NOL4: variants seen among roughly 807,000 people sequenced by gnomAD.
NOL4 encodes the protein cancer/testis antigen 125.
NOL4 carries 17 observed loss-of-function variants against 75.9 expected under a neutral mutation model. The observed-to-expected ratio is 0.22, with a 90% CI of 0.15 to 0.34. NOL4 has a LOEUF of 0.34. Ranked by LOEUF, NOL4 falls within the 10% of genes least tolerant of loss-of-function variation. The probability of loss-of-function intolerance (pLI) is 1.00; values close to 1 mark genes in which losing one functional copy is unlikely to be tolerated. For synonymous variants in NOL4, 292 were observed against 289.9 expected (o/e 1.01, Z -0.07); for missense variants, 614 against 793.5 (o/e 0.77, Z 2.72).
intron 1 of NOL4, among the ~76,000 whole-genome samples, chr18:34,196,831 T>C (rs528150231): frequency 6.6e-6 from 1 of 152,230 alleles, no homozygotes; most frequent in Admixed American, 6.5e-5. Context: ...AGTTTTATTA[T>C]ATATGGTATA....
intron 10 of NOL4, among the ~76,000 whole-genome samples, chr18:33,880,335 G>A (rs1481778856): frequency 1.4e-5 from 2 of 147,300 alleles, no homozygotes; most frequent in South Asian, 2.1e-4. Context: ...GTGTGTGTGT[G>A]TGTGTAATGA....
chr18:34,087,501 G>A (rs2078295723), intron 5 of NOL4, among the ~76,000 whole-genome samples: 1 of 151,944 alleles, frequency 6.6e-6, no homozygotes, highest in South Asian at 2.1e-4. Flanking sequence ...TCATATTCTA[G>A]TTTAAGCTAT....
rs1354952343 is a variant in NOL4 at position 33,939,096 on chromosome 18, G to A, written c.1542+3969C>T. Among the ~76,000 whole-genome samples, 4 of 152,108 alleles carry A rather than the reference G, an allele frequency of 2.6e-5. 1 individual carries two copies. The highest frequency in any genetic ancestry group is 5.9e-5 in the Non-Finnish European group (4 of 68,030). On this transcript the variant is annotated intron_variant, in intron 9 of 10. Transcript: ENST00000261592. ...AAGATGAGATGGTTGTAGATGTGTGGTGTTATTTCTGAGGCCTCTGCTCTG... is the reference window on the plus strand; with the variant it reads ...AAGATGAGATGGTTGTAGATGTGTGATGTTATTTCTGAGGCCTCTGCTCTG...
In NOL4 at chr18:34,107,636, T is replaced by C. The variant is rs546153695; in HGVS notation, c.415-2476A>G. On this transcript the variant is annotated intron_variant, in intron 2 of 10. Transcript: ENST00000261592. ...CTCCAAGCAGGCTTTTCACATCTCA[T>C]ACTCATTTCTGAAAAAAAATATTTC... is the stretch of plus-strand genomic sequence containing the variant. 2.0e-5 allele frequency among the ~76,000 whole-genome samples: 3 copies of C among 148,800 alleles called. No individual in the cohort carries two copies. In the South Asian group the frequency reaches 6.4e-4, roughly 32 times the overall value.
intron 10 of NOL4, among the ~76,000 whole-genome samples, chr18:33,869,337 C>T (rs920677297): frequency 2.0e-5 from 3 of 151,852 alleles, no homozygotes; most frequent in Non-Finnish European, 2.9e-5. Context: ...AATCAACTTA[C>T]GTATTAAGAA....
chr18:33,872,427 A>T (rs566015115), intron 10 of NOL4, among the ~76,000 whole-genome samples: 2 of 152,146 alleles, frequency 1.3e-5, no homozygotes, highest in African/African-American at 4.8e-5. Context: ...AAGAATCAGC[A>T]TTAAGTTTCT....
At chr18:34,063,461 T>C (rs989971609) in intron 5 of NOL4, among the ~76,000 whole-genome samples, 2 of 152,132 alleles carry the variant, frequency 1.3e-5, no homozygotes, top group African/African-American at 4.8e-5. Flanking sequence ...TTTTAGGGAC[T>C]ATAATTAATC....
rs377458914 is a variant in NOL4, at chr18:33,881,152, T to C, written c.1723+2092A>G. Among the ~76,000 whole-genome samples the C allele has an allele frequency of 1.3e-5, 2 of 151,666 alleles. 1 individual carries two copies. The highest frequency in any genetic ancestry group is 3.9e-4 in the East Asian group (2 of 5,156). On this transcript the variant is annotated intron_variant, in intron 10 of 10. Transcript: ENST00000261592. ...ATTGTGAATGGGAGTTCACTCATGA[T>C]TTGGCTCTCTGTTTGTCTGTTGCTG...
intron 5 of NOL4, chr18:34,023,453 G>T (rs1022249244): frequency 5.3e-5 from 24 of 456,136 alleles, no homozygotes; most frequent in Admixed American, 3.8e-4. Context: ...ACATAGTTTG[G>T]TCCATCCTGA....
rs1439633286 is a variant in NOL4 at position 33,943,147 on chromosome 18, G to A, written c.1460C>T (p.Ala487Val). 1.2e-6 allele frequency: 2 copies of A among 1,610,606 alleles called. No homozygotes were observed. Among genetic ancestry groups the A allele is most frequent in the African/African-American group, 2.7e-5 (2 of 74,470 alleles). The change falls in exon 9 of 11, where the codon GCA (alanine) becomes GTA (valine). Residue 487 changes from alanine to valine, a missense_variant. By Grantham distance (64) the Ala-to-Val change is moderately conservative (BLOSUM62 0). Around this residue, in one of 9 missense-constraint regions of NOL4, gnomAD observed 52 missense variants for 121.1 expected, o/e 0.43. Transcript: ENST00000261592. ...SRPIPSHLTSAVAESILASAC... is the reference protein window; with the variant it reads ...SRPIPSHLTSVVAESILASAC... ...TGAAGCCAAGATACTCTCTGCAACT[G>A]CTGAAGTAAGGTGGGAAGGAATAGG... is the stretch of plus-strand genomic sequence containing the variant.
intron 5 of NOL4, among the ~76,000 whole-genome samples, chr18:34,092,693 G>T (rs2078584342): frequency 6.6e-6 from 1 of 152,038 alleles, no homozygotes; most frequent in Non-Finnish European, 1.5e-5. Context: ...GAATATAACT[G>T]GCCAATTTCC....
chr18:34,212,457 T>G (rs2036579337), intron 1 of NOL4, among the ~76,000 whole-genome samples: 1 of 152,238 alleles, frequency 6.6e-6, no homozygotes, highest in Non-Finnish European at 1.5e-5. Flanking sequence ...ATGTTTTTGG[T>G]AAATTTTACA....
chr18:33,972,328 C>T (rs1038331350), intron 6 of NOL4, among the ~76,000 whole-genome samples: 10 of 151,892 alleles, frequency 6.6e-5, no homozygotes, highest in African/African-American at 2.4e-4. Flanking sequence ...TTTAAATCAA[C>T]ATTTCTCTAA....
At chr18:34,213,240 C>G (rs915065680) in intron 1 of NOL4, among the ~76,000 whole-genome samples, 2 of 152,108 alleles carry the variant, frequency 1.3e-5, no homozygotes, top group Non-Finnish European at 2.9e-5. Flanking sequence ...AGAAGTGGAA[C>G]CTTCAAGAGG....
intron 5 of NOL4, among the ~76,000 whole-genome samples, chr18:34,063,930 A>T (rs1396603623): frequency 6.6e-6 from 1 of 152,020 alleles, no homozygotes; most frequent in Non-Finnish European, 1.5e-5. Flanking sequence ...TTTTATTATG[A>T]TTACACCACT....
intron 6 of NOL4, among the ~76,000 whole-genome samples, chr18:34,012,367 T>C (rs569544975): frequency 6.2e-4 from 95 of 152,048 alleles, no homozygotes; most frequent in African/African-American, 2.2e-3. Context: ...ATAAAGCTAT[T>C]AACTTTATTA....
chr18:34,112,960 A>G (rs911342472), intron 2 of NOL4, among the ~76,000 whole-genome samples: 1 of 152,152 alleles, frequency 6.6e-6, no homozygotes, highest in Non-Finnish European at 1.5e-5. Flanking sequence ...AACACGTTGT[A>G]CACCTAACAT....
chr18:33,969,474 T>TAC (rs1327599659), intron 6 of NOL4, among the ~76,000 whole-genome samples: 1 of 152,212 alleles, frequency 6.6e-6, no homozygotes, highest in Non-Finnish European at 1.5e-5. Context: ...ATTAGGAGTC[T>TAC]GTAATTTCTC....
intron 1 of NOL4, chr18:34,221,584 T>C (rs1208263997): frequency 2.1e-5 from 3 of 141,726 alleles, no homozygotes; most frequent in Admixed American, 7.1e-5. Context: ...CTTAGAAATC[T>C]CCCAACAATA....
Sources: gnomAD v4.1 joint callset for allele counts (sites outside exome capture counted in the v4.1 genomes callset) on GRCh38, gnomAD v4.1.1 for gene constraint, gnomAD v4.1.1 regional missense constraint, MANE v1.5 for transcripts, NCBI Gene and HGNC (gene_info 2026-07-23, HGNC 2026-07-21) for gene names.